Variants in TXNRD2 observed in about 807,000 individuals in gnomAD.
TXNRD2 encodes the protein thioredoxin reductase 2, mitochondrial.
TXNRD2 carries 67 observed loss-of-function variants against 70.8 expected under a neutral mutation model. The ratio of observed to expected loss-of-function variants is 0.95; its 90% CI spans 0.78 to 1.16. The LOEUF (loss-of-function observed/expected upper bound fraction) is 1.16, where lower values mean the gene tolerates loss of function less well. Among genes scored for constraint, TXNRD2 ranks in the 50% most tolerant of loss-of-function variants. The pLI, the probability that TXNRD2 is intolerant of heterozygous loss-of-function variation, is 0.00. For missense variants in TXNRD2, 644 were observed against 719.9 expected, an observed-to-expected ratio of 0.89 and a Z score of 1.21; for synonymous variants, 301 against 295.8, an observed-to-expected ratio of 1.02 and a Z score of -0.18.
At chr22:19,898,975 G>A (rs1166935170) in intron 9 of TXNRD2, 74 bp downstream of exon 9, 13 of 1,576,944 alleles carry the variant, frequency 8.2e-6, no homozygotes, top group East Asian at 2.2e-5. Context: ...CCGGAAGGGC[G>A]GGTGGCAGGG....
intron 5 of TXNRD2, 26 bp downstream of exon 5, chr22:19,918,117 C>T: frequency 1.2e-6 from 2 of 1,608,564 alleles, no homozygotes; most frequent in Admixed American, 1.7e-5. Flanking sequence ...CAGAGGGCGG[C>T]CCATTCCCGG....
chr22:19,932,077 C>A (rs376220294), intron 1 of TXNRD2, among the ~76,000 whole-genome samples: 3 of 148,304 alleles, frequency 2.0e-5, no homozygotes, highest in Admixed American at 6.9e-5. Context: ...AGGAGAATGG[C>A]GTGAACCCGG....
chr22:19,933,567 T>C (rs545187355), intron 1 of TXNRD2: 2 of 1,245,132 alleles, frequency 1.6e-6, no homozygotes, highest in East Asian at 1.1e-4. Flanking sequence ...TGGATGTGCT[T>C]ATCTTGGGCA....
At chr22:19,891,387 C>G (rs1394780651) in intron 11 of TXNRD2, 3 of 152,316 alleles carry the variant, frequency 2.0e-5, no homozygotes, top group Non-Finnish European at 4.4e-5. Flanking sequence ...TACGCCAGAG[C>G]CTTCAGCATC....
chr22:19,940,476 T>G (rs1941673068), intron 1 of TXNRD2, among the ~76,000 whole-genome samples: 1 of 152,040 alleles, frequency 6.6e-6, no homozygotes, highest in Non-Finnish European at 1.5e-5. Context: ...TCCCCCTAAG[T>G]CTCGTATGAT....
At chr22:19,883,556 G>T (rs1210486988) in intron 11 of TXNRD2, 95 bp from the exon 12 acceptor site, 2 of 1,575,944 alleles carry the variant, frequency 1.3e-6, no homozygotes, top group South Asian at 2.2e-5. Context: ...TCCACTTAGA[G>T]ACCGGGTGCA....
At chr22:19,926,558 A>C (rs572322274) in intron 2 of TXNRD2, among the ~76,000 whole-genome samples, 1 of 150,246 alleles carries the variant, frequency 6.7e-6, no homozygotes, top group East Asian at 2.0e-4. Context: ...TGGGTGGAAC[A>C]CTTGAGAGGT....
intron 8 of TXNRD2, among the ~76,000 whole-genome samples, chr22:19,909,881 C>CACA (rs1418379635): frequency 8.2e-5 from 11 of 134,304 alleles, no homozygotes; most frequent in South Asian, 2.6e-4. Flanking sequence ...CACTCACACA[C>CACA]ACCACTCACA....
chr22:19,925,155 G>GGCACA (rs1321845349), intron 2 of TXNRD2, among the ~76,000 whole-genome samples: 2 of 151,678 alleles, frequency 1.3e-5, no homozygotes, highest in African/African-American at 4.9e-5. Context: ...ATGGTGGCAT[G>GGCACA]CGCCTGTAGT....
intron 1 of TXNRD2, among the ~76,000 whole-genome samples, chr22:19,934,395 A>AAC (rs1555915976): frequency 2.0e-5 from 3 of 151,100 alleles, no homozygotes; most frequent in Non-Finnish European, 4.4e-5. Flanking sequence ...AAAAAAAAAA[A>AAC]AAAAAACTGC....
At chr22:19,923,844 CTTT>C (rs34120716) in intron 2 of TXNRD2, among the ~76,000 whole-genome samples, 2,539 of 78,094 alleles carry the variant, frequency 0.033, 23 homozygotes, top group Middle Eastern at 0.11. Flanking sequence ...ACCCCTGAGG[CTTT>C]TTTTTTTTTT....
At chr22:19,885,695 T>TA (rs1209621837) in intron 11 of TXNRD2, among the ~76,000 whole-genome samples, 2 of 152,154 alleles carry the variant, frequency 1.3e-5, no homozygotes, top group Non-Finnish European at 2.9e-5. Context: ...GGCCCAGCAC[T>TA]TCCTGGTGCC....
chr22:19,886,246 G>C (rs1169460199), intron 11 of TXNRD2, among the ~76,000 whole-genome samples: 1 of 152,256 alleles, frequency 6.6e-6, no homozygotes, highest in Non-Finnish European at 1.5e-5. Context: ...GTGCAGGGAA[G>C]AGGCCAGCTC....
At chr22:19,898,613 C>G (rs566497986) in intron 9 of TXNRD2, among the ~76,000 whole-genome samples, 1 of 146,616 alleles carries the variant, frequency 6.8e-6, no homozygotes, top group Non-Finnish European at 1.5e-5. Flanking sequence ...CTCCCAGGTT[C>G]AAGCGGTTCC....
At position 19,880,204 on chromosome 22, in the gene TXNRD2, GCCAC is replaced by G; in HGVS notation, c.1246_1249del (p.Val416LeufsTer32). On this transcript the variant is annotated frameshift_variant, in exon 14 of 18. Coordinates refer to ENST00000400521, the MANE Select transcript of TXNRD2 (RefSeq NM_006440.5). LOFTEE classifies it high-confidence loss of function. ...CTCAACATGCTCCTGCCCGTGGCGA[GCCAC>G]TGCCTCCTCCTCGGACAGCCCCACA... The G allele has an allele frequency of 6.2e-7, 1 of 1,613,600 alleles. No individual in the cohort carries two copies. The highest frequency in any genetic ancestry group is 1.1e-5 in the South Asian group (1 of 91,090).
At position 19,918,850 on chromosome 22, in the gene TXNRD2, A is replaced by C; in HGVS notation, c.374+10T>G. On this transcript the variant is annotated intron_variant, in intron 4 of 17. Coordinates refer to ENST00000400521, the MANE Select transcript of TXNRD2 (RefSeq NM_006440.5). ...AAAAGCACTGGAATGCCACGGCGCC[A>C]GATCCTTACCAGTCATGCGGCACGG... is the stretch of plus-strand genomic sequence containing the variant. 6.2e-7 allele frequency: 1 copy of C among 1,605,874 alleles called. No individual in the cohort carries two copies. The highest frequency in any genetic ancestry group is 8.5e-7 in the Non-Finnish European group (1 of 1,179,792).
intron 2 of TXNRD2, among the ~76,000 whole-genome samples, chr22:19,924,591 T>A (rs1038071995): frequency 6.6e-6 from 1 of 152,118 alleles, no homozygotes; most frequent in Admixed American, 6.5e-5. Flanking sequence ...AACCAAAGGC[T>A]CAAGCTGGAT....
At chr22:19,915,090 G>T in intron 7 of TXNRD2, 124 bp downstream of exon 7, 1 of 883,914 alleles carries the variant, frequency 1.1e-6, no homozygotes, top group Non-Finnish European at 1.8e-6. Context: ...AGTGATGATA[G>T]TGAGTATAGG....
At chr22:19,897,302 G>A (rs764772821) in intron 10 of TXNRD2, among the ~76,000 whole-genome samples, 4 of 152,146 alleles carry the variant, frequency 2.6e-5, no homozygotes, top group South Asian at 2.1e-4. Flanking sequence ...AGGGTCGGCC[G>A]AGGACCTGTA....
Sources: allele counts gnomAD v4.1 joint callset (sites outside exome capture counted in the v4.1 genomes callset), GRCh38; gene constraint gnomAD v4.1.1; transcripts MANE v1.5; gene names NCBI Gene and HGNC (gene_info 2026-07-23, HGNC 2026-07-21).